ANKRD36: variants seen among roughly 807,000 people sequenced by gnomAD.
The protein encoded by ANKRD36 is ankyrin repeat domain-containing protein 36A.
In ANKRD36, 179 loss-of-function variants were observed where a neutral mutation model predicts 278.1. The observed-to-expected ratio is 0.64, with a 90% confidence interval of 0.57 to 0.73. The LOEUF (loss-of-function observed/expected upper bound fraction) is 0.73. ANKRD36 is among the 30% of genes least tolerant of loss of function. The probability of loss-of-function intolerance (pLI) is 0.00; values close to 1 mark genes in which losing one functional copy is unlikely to be tolerated. For synonymous variants in ANKRD36, 320 were observed against 641.1 expected, an observed-to-expected ratio of 0.50 and a Z score of 7.57; for missense variants, 1,159 against 1,956.7, an observed-to-expected ratio of 0.59 and a Z score of 7.69.
chr2:97,171,648 A>G (rs1370096548), intron 22 of ANKRD36, among the ~76,000 whole-genome samples: 1 of 147,410 alleles, frequency 6.8e-6, no homozygotes, highest in Non-Finnish European at 1.5e-5. Flanking sequence ...ACATGTATAC[A>G]TATGTAACTA....
chr2:97,194,136 C>T (rs1217078700), intron 38 of ANKRD36, among the ~76,000 whole-genome samples: 1 of 151,600 alleles, frequency 6.6e-6, no homozygotes, highest in Non-Finnish European at 1.5e-5. Context: ...AATGATTACA[C>T]TACATGGGTG....
intron 4 of ANKRD36, among the ~76,000 whole-genome samples, chr2:97,124,210 A>C (rs2037887687): frequency 6.6e-6 from 1 of 151,934 alleles, no homozygotes; most frequent in Admixed American, 6.6e-5. Flanking sequence ...CTTGCCCATC[A>C]AAGGACTTTA....
At chr2:97,124,355 T>C in intron 4 of ANKRD36, 105 bp from the exon 5 acceptor site, 1 of 1,374,860 alleles carries the variant, frequency 7.3e-7, no homozygotes, top group East Asian at 2.6e-5. Context: ...GTACATGTAA[T>C]TGGGTTAATT....
At chr2:97,139,699 G>A (rs1235801373) in intron 6 of ANKRD36, among the ~76,000 whole-genome samples, 1 of 152,114 alleles carries the variant, frequency 6.6e-6, no homozygotes, top group East Asian at 1.9e-4. Context: ...AGCAAGCATA[G>A]CTGTATCTCT....
intron 46 of ANKRD36, 127 bp downstream of exon 46, chr2:97,200,652 C>G (rs1313067977): frequency 1.4e-6 from 2 of 1,434,118 alleles, no homozygotes; most frequent in African/African-American, 2.9e-5. Context: ...TTCTTCTTTT[C>G]TAACAAGTTC....
intron 34 of ANKRD36, 125 bp from the exon 35 acceptor site, chr2:97,190,853 G>A (rs1261897831): frequency 7.1e-7 from 1 of 1,403,180 alleles, no homozygotes; most frequent in Non-Finnish European, 9.6e-7. Context: ...AGACAAAGTA[G>A]AAGACATCAG....
intron 12 of ANKRD36, among the ~76,000 whole-genome samples, chr2:97,151,375 T>C (rs951596099): frequency 9.9e-5 from 15 of 152,084 alleles, no homozygotes; most frequent in African/African-American, 3.6e-4. Context: ...TTTTAGCTTT[T>C]GACACGCTGA....
Position 97,211,474 on chromosome 2 carries a change from A to C in ANKRD36, c.3368-72A>C. On this transcript the variant is annotated intron_variant, in intron 56 of 75. Transcript: ENST00000420699. Reference sequence around the variant, plus strand: ...GGCTGGGGGACAGAGTTTGATGCTAACACTGTATGAATGTATGGATAACTT... The same window carrying C: ...GGCTGGGGGACAGAGTTTGATGCTACCACTGTATGAATGTATGGATAACTT... 2.5e-6 allele frequency: 4 copies of C among 1,574,730 alleles called. No homozygotes were observed. In the South Asian group the frequency reaches 3.4e-5, roughly 13 times the overall value.
Position 97,114,333 on chromosome 2 carries a change from G to A in ANKRD36, c.197+397G>A, listed in dbSNP as rs1358022629. The stretch of plus-strand genomic sequence containing the variant: ...TGGGGTGGGGGAAAGGGGTGCAGAG[G>A]TGAGGGGGGCGAGTCCTGTCACCAA... On this transcript the variant is annotated intron_variant, in intron 1 of 75. Coordinates refer to ENST00000420699, the MANE Select transcript of ANKRD36 (RefSeq NM_001354587.1). Among the ~76,000 whole-genome samples, 4 of 107,622 alleles carry A rather than the reference G, an allele frequency of 3.7e-5. No individual in the cohort carries two copies. The East Asian group carries it at 8.2e-4, about 22-fold the overall frequency. 70.6% of individuals were successfully genotyped at this position (107,622 alleles called of 152,430 possible).
chr2:97,218,578 A>G (rs1461011175), intron 64 of ANKRD36, among the ~76,000 whole-genome samples: 2 of 151,932 alleles, frequency 1.3e-5, no homozygotes, highest in Non-Finnish European at 2.9e-5. Context: ...GTTCAACTGA[A>G]GTGTCATTGT....
In ANKRD36 at chr2:97,146,521, G is replaced by A. The variant is rs1395928980; in HGVS notation, c.1034+5G>A. On this transcript the variant is annotated splice_donor_5th_base_variant and intron_variant, in intron 11 of 75. Coordinates refer to ENST00000420699, the MANE Select transcript of ANKRD36 (RefSeq NM_001354587.1). ...TGTTGAACAGTGTTTAAACAGGTAT[G>A]ATTTTACAGATTTTTTAAAGTGATA... 6.6e-7 allele frequency: 1 copy of A among 1,515,066 alleles called. No individual in the cohort carries two copies. The allele number at this position is 1,515,066 out of a possible 1,614,324, so 93.9% of individuals were successfully genotyped here. A position where few individuals can be genotyped will look rare whatever the true frequency, so the allele number is the denominator to read the frequency against.
chr2:97,186,801 G>A lies in ANKRD36; in HGVS notation c.2042-397G>A, dbSNP rs947159998. On this transcript the variant is annotated intron_variant, in intron 30 of 75. Transcript: ENST00000420699. ...TGATGAATGTTTGCAGTATAATGGC[G>A]TAAATCATTTGGATATCTTGCATAA... 5.3e-5 allele frequency among the ~76,000 whole-genome samples: 8 copies of A among 151,910 alleles called. No homozygotes were observed. In the East Asian group the frequency reaches 5.9e-4, roughly 11 times the overall value.
intron 17 of ANKRD36, among the ~76,000 whole-genome samples, chr2:97,161,172 C>G (rs1409876402): frequency 6.6e-6 from 1 of 152,288 alleles, no homozygotes; most frequent in African/African-American, 2.4e-5. Context: ...GATCAGTCTT[C>G]TAAGTCCCCT....
At chr2:97,174,165 G>C (rs534325186) in intron 22 of ANKRD36, among the ~76,000 whole-genome samples, 1 of 151,610 alleles carries the variant, frequency 6.6e-6, no homozygotes, top group Non-Finnish European at 1.5e-5. Flanking sequence ...TCATTGATGT[G>C]TATGTTTTTG....
intron 67 of ANKRD36, among the ~76,000 whole-genome samples, chr2:97,232,261 A>G (rs1401495992): frequency 2.0e-5 from 3 of 149,042 alleles, no homozygotes; most frequent in African/African-American, 7.4e-5. Context: ...TAGCAAATTT[A>G]TCTTCCACTT....
chr2:97,181,500 A>G lies in ANKRD36; in HGVS notation c.1736-98A>G. ...AAAACATCAAAGCCTACACTAGTAC[A>G]GGCAGGAAGATACAGCTTGATGCTA... On this transcript the variant is annotated intron_variant, in intron 24 of 75. Transcript: ENST00000420699. The G allele has an allele frequency of 2.0e-6, 3 of 1,527,422 alleles. 1 individual carries two copies. The highest frequency in any genetic ancestry group is 4.0e-5 in the Admixed American group (2 of 49,702). The allele number at this position is 1,527,422 out of a possible 1,614,324, so 94.6% of individuals were successfully genotyped here.
chr2:97,224,519 A>G (rs2068760620), intron 66 of ANKRD36, among the ~76,000 whole-genome samples: 1 of 149,552 alleles, frequency 6.7e-6, no homozygotes, highest in Admixed American at 6.8e-5. Flanking sequence ...TGAGATCTTC[A>G]GCTCACTGCA....
chr2:97,205,625 C>T (rs566444097), intron 50 of ANKRD36, among the ~76,000 whole-genome samples: 188 of 151,642 alleles, frequency 1.2e-3, no homozygotes, highest in African/African-American at 4.2e-3. Flanking sequence ...GTGTGAGTTG[C>T]TCCTCTGATT....
intron 8 of ANKRD36, among the ~76,000 whole-genome samples, chr2:97,143,191 G>A (rs1167280465): frequency 1.3e-5 from 2 of 151,870 alleles, no homozygotes; most frequent in African/African-American, 4.8e-5. Context: ...AGATCAGATT[G>A]TTAAAACCAC....
Sources: allele counts gnomAD v4.1 joint callset (sites outside exome capture counted in the v4.1 genomes callset), GRCh38; gene constraint gnomAD v4.1.1; transcripts MANE v1.5; gene names NCBI Gene and HGNC (gene_info 2026-07-23, HGNC 2026-07-21).